Variants in RARB observed in about 807,000 individuals in gnomAD.
The protein encoded by RARB is retinoic acid receptor beta, also known as HBV-activated protein.
Under a neutral mutation model 51.9 loss-of-function variants are expected in RARB, and 17 were observed. That is an observed-to-expected ratio of 0.33 (90% CI 0.22 to 0.49). The LOEUF (loss-of-function observed/expected upper bound fraction) is 0.49, where lower values mean the gene tolerates loss of function less well. RARB is among the 20% of genes least tolerant of loss of function. The pLI is 0.99. For synonymous variants in RARB, 215 were observed against 195.4 expected (o/e 1.10, Z -0.84); for missense variants, 369 against 550.8 (o/e 0.67, Z 3.30).
At chr3:25,231,531 A>T (rs1447926943) in intron 5 of RARB, among the ~76,000 whole-genome samples, 1 of 152,174 alleles carries the variant, frequency 6.6e-6, no homozygotes, top group Non-Finnish European at 1.5e-5. Flanking sequence ...CTAAGAAGTT[A>T]AGCTACATCA....
At chr3:25,148,131 G>A (rs9812303) in intron 4 of RARB, among the ~76,000 whole-genome samples, 6,744 of 152,256 alleles carry the variant, frequency 0.044, 500 homozygotes, top group African/African-American at 0.15. Flanking sequence ...AACTGGGTAT[G>A]TAAGTTACAC....
chr3:25,008,277 T>C (rs1289983627), intron 2 of RARB, among the ~76,000 whole-genome samples: 1 of 152,124 alleles, frequency 6.6e-6, no homozygotes, highest in Non-Finnish European at 1.5e-5. Context: ...CTATAATTTT[T>C]TATCTTGAGA....
At chr3:25,385,852 G>A (rs1468448661) in intron 5 of RARB, among the ~76,000 whole-genome samples, 1 of 152,106 alleles carries the variant, frequency 6.6e-6, no homozygotes, top group Non-Finnish European at 1.5e-5. Flanking sequence ...GTCTAGGCAA[G>A]CACGTGACCT....
intron 2 of RARB, among the ~76,000 whole-genome samples, chr3:25,472,052 A>G (rs749552003): frequency 6.6e-6 from 1 of 152,202 alleles, no homozygotes; most frequent in African/African-American, 2.4e-5. Context: ...AAACTGTCTT[A>G]TATCTTACAT....
At chr3:24,958,357 C>A (rs1365459122) in intron 2 of RARB, among the ~76,000 whole-genome samples, 4 of 140,580 alleles carry the variant, frequency 2.8e-5, no homozygotes, top group East Asian at 2.2e-4. Context: ...TCCTTATATG[C>A]CCTCTAATAA....
At chr3:25,353,016 T>C (rs1001718213) in intron 5 of RARB, among the ~76,000 whole-genome samples, 8 of 152,204 alleles carry the variant, frequency 5.3e-5, no homozygotes, top group African/African-American at 1.9e-4. Context: ...GAGCAAACGC[T>C]AGTTGTGCAC....
intron 2 of RARB, among the ~76,000 whole-genome samples, chr3:25,494,168 A>C (rs998271728): frequency 4.0e-5 from 6 of 151,870 alleles, no homozygotes; most frequent in Non-Finnish European, 4.4e-5. Context: ...ACAGAAGAGT[A>C]CAGTGTCTCT....
chr3:25,406,461 T>C (rs1430674298), intron 5 of RARB, among the ~76,000 whole-genome samples: 1 of 152,216 alleles, frequency 6.6e-6, no homozygotes, highest in Non-Finnish European at 1.5e-5. Context: ...CTGAGACCCT[T>C]CTCCTTGGCT....
At chr3:25,081,017 T>A (rs1698983696) in intron 3 of RARB, among the ~76,000 whole-genome samples, 1 of 152,164 alleles carries the variant, frequency 6.6e-6, no homozygotes, top group African/African-American at 2.4e-5. Context: ...TTTACTTTAT[T>A]ATCTTCTTCT....
At chr3:25,194,705 T>C (rs1701189425) in intron 5 of RARB, among the ~76,000 whole-genome samples, 1 of 151,754 alleles carries the variant, frequency 6.6e-6, no homozygotes, top group South Asian at 2.1e-4. Context: ...TAAATGTTTA[T>C]TGACCAGAAG....
chr3:24,853,129 A>G (rs1284629210), intron 1 of RARB, among the ~76,000 whole-genome samples: 1 of 151,188 alleles, frequency 6.6e-6, no homozygotes, highest in Non-Finnish European at 1.5e-5. Flanking sequence ...TCTGGTTAAC[A>G]CGGTGAAACC....
chr3:25,103,018 A>G (rs1699433572), intron 3 of RARB, among the ~76,000 whole-genome samples: 1 of 152,166 alleles, frequency 6.6e-6, no homozygotes, highest in African/African-American at 2.4e-5. Flanking sequence ...CCACTGCACT[A>G]GAACTGCTAG....
intron 5 of RARB, among the ~76,000 whole-genome samples, chr3:25,287,256 CT>C (rs1645231713): frequency 6.6e-6 from 1 of 152,192 alleles, no homozygotes; most frequent in Non-Finnish European, 1.5e-5. Flanking sequence ...ACTTATCCTT[CT>C]TTTTTCATCC....
intron 3 of RARB, among the ~76,000 whole-genome samples, chr3:25,131,933 G>A (rs946710222): frequency 5.3e-5 from 8 of 151,956 alleles, no homozygotes; most frequent in Admixed American, 3.3e-4. Flanking sequence ...GAATAAAAGG[G>A]ATCAGGGGTG....
intron 4 of RARB, among the ~76,000 whole-genome samples, chr3:25,158,409 G>C (rs1700412901): frequency 6.6e-6 from 1 of 152,178 alleles, no homozygotes; most frequent in East Asian, 1.9e-4. Context: ...GAGTGCTGTT[G>C]GCTTTCAAGC....
At chr3:25,126,171 A>C (rs991676393) in intron 3 of RARB, among the ~76,000 whole-genome samples, 2 of 152,182 alleles carry the variant, frequency 1.3e-5, no homozygotes, top group African/African-American at 4.8e-5. Context: ...TAAAACATTT[A>C]GGGGTCTGTG....
At chr3:24,847,816 A>T (rs1162923684) in intron 1 of RARB, among the ~76,000 whole-genome samples, 1 of 152,208 alleles carries the variant, frequency 6.6e-6, no homozygotes, top group East Asian at 1.9e-4. Context: ...CATTTTCAAC[A>T]AATACCCAAG....
chr3:25,569,733 G>C, intron 3 of RARB, 25 bp from the exon 4 acceptor site: 1 of 1,608,212 alleles, frequency 6.2e-7, no homozygotes, highest in South Asian at 1.1e-5. Flanking sequence ...AGCGACCCCT[G>C]ATGTGCCTTC....
chr3:25,315,934 C>T (rs1704413035), intron 5 of RARB, among the ~76,000 whole-genome samples: 1 of 152,046 alleles, frequency 6.6e-6, no homozygotes, highest in South Asian at 2.1e-4. Flanking sequence ...TAATCTCTGT[C>T]ACCATACCAT....
Sources: gnomAD v4.1 joint callset for allele counts (sites outside exome capture counted in the v4.1 genomes callset) on GRCh38, gnomAD v4.1.1 for gene constraint, MANE v1.5 for transcripts, NCBI Gene and HGNC (gene_info 2026-07-23, HGNC 2026-07-21) for gene names.